Variants in MYRFL observed in about 807,000 individuals in gnomAD.
The protein encoded by MYRFL is myelin regulatory factor-like protein.
In MYRFL, 88 loss-of-function variants were observed where a neutral mutation model predicts 109.4. That is an observed-to-expected ratio of 0.80 (90% CI 0.68 to 0.96). The LOEUF is 0.96. MYRFL is among the 40% of genes least tolerant of loss of function. The pLI, the probability that MYRFL is intolerant of heterozygous loss-of-function variation, is 0.00. For missense variants in MYRFL, 957 were observed against 954.9 expected, an observed-to-expected ratio of 1.00 and a Z score of -0.03; for synonymous variants, 324 against 320.9, an observed-to-expected ratio of 1.01 and a Z score of -0.10.
rs556164909 is a variant in MYRFL, at chr12:69,867,778, G to A, written c.138-11250G>A. ...GTTTCAAAAGGGCGTGAGAGAGTAC[G>A]TGGAGTTCTGTGAGAAGAGCTTGTT... On this transcript the variant is annotated intron_variant, in intron 2 of 24. Transcript: ENST00000552032. Among the ~76,000 whole-genome samples, 13 of 152,272 alleles carry A rather than the reference G, an allele frequency of 8.5e-5. No homozygotes were observed. In the South Asian group the frequency reaches 1.9e-3, roughly 22 times the overall value.
At chr12:69,952,993 T>G (rs1365620289) in intron 21 of MYRFL, 107 bp downstream of exon 21, 3 of 658,884 alleles carry the variant, frequency 4.6e-6, no homozygotes, top group Non-Finnish European at 7.6e-6. Flanking sequence ...AATCAATGTG[T>G]GCTTACATTG....
rs1195492393 is a variant in MYRFL at position 69,932,610 on chromosome 12, T to C, written c.1916+12T>C. ...GTGATGGCATTTTGGTAAGAAAAAG[T>C]TCACTGTTATGCCATGTCAAGCTCT... On this transcript the variant is annotated intron_variant, in intron 16 of 24. Transcript: ENST00000552032. The C allele has an allele frequency of 6.6e-7, 1 of 1,523,066 alleles. No homozygotes were observed. Among genetic ancestry groups the C allele is most frequent in the Non-Finnish European group, 8.8e-7 (1 of 1,135,068 alleles). 94.3% of individuals were successfully genotyped at this position (1,523,066 alleles called of 1,614,324 possible).
At chr12:69,852,557 G>A (rs1215315036) in intron 1 of MYRFL, among the ~76,000 whole-genome samples, 3 of 144,558 alleles carry the variant, frequency 2.1e-5, no homozygotes, top group South Asian at 2.2e-4. Flanking sequence ...CTTGCAGGCA[G>A]GCTGTTTATT....
At chr12:69,860,135 TTG>T (rs1451852300) in intron 2 of MYRFL, among the ~76,000 whole-genome samples, 1 of 152,088 alleles carries the variant, frequency 6.6e-6, no homozygotes, top group Non-Finnish European at 1.5e-5. Context: ...CCAGTGTATG[TTG>T]TTCCCCCTTG....
chr12:69,833,368 T>C (rs1416802582), intron 1 of MYRFL, among the ~76,000 whole-genome samples: 1 of 152,172 alleles, frequency 6.6e-6, no homozygotes, highest in Non-Finnish European at 1.5e-5. Flanking sequence ...CAATTGCCTA[T>C]AGAATCTGGG....
intron 13 of MYRFL, among the ~76,000 whole-genome samples, chr12:69,923,875 A>AT (rs1279371707): frequency 2.0e-5 from 3 of 151,932 alleles, no homozygotes; most frequent in African/African-American, 2.4e-5. Flanking sequence ...AATTTTGTTT[A>AT]TTTTTTATAC....
At chr12:69,934,157 A>T (rs950986593) in intron 16 of MYRFL, among the ~76,000 whole-genome samples, 13 of 152,226 alleles carry the variant, frequency 8.5e-5, no homozygotes, top group African/African-American at 3.1e-4. Flanking sequence ...AGACTGTGAC[A>T]CAGGACTTTT....
chr12:69,890,934 A>T (rs935744183), intron 6 of MYRFL, 37 bp from the exon 7 acceptor site: 1 of 1,388,522 alleles, frequency 7.2e-7, no homozygotes, highest in Admixed American at 3.0e-5. Context: ...ATATGGAAAC[A>T]TTTGTAAAAC....
chr12:69,846,378 C>G (rs1883548581), intron 1 of MYRFL, among the ~76,000 whole-genome samples: 1 of 148,594 alleles, frequency 6.7e-6, no homozygotes, highest in South Asian at 2.2e-4. Flanking sequence ...TGTGATGTTC[C>G]CCTTCCTGTG....
At chr12:69,890,890 G>A in intron 6 of MYRFL, 81 bp from the exon 7 acceptor site, 11 of 1,084,440 alleles carry the variant, frequency 1.0e-5, no homozygotes, top group Non-Finnish European at 1.3e-5. Context: ...TTCTTGAAAT[G>A]TTTATACAAC....
chr12:69,901,047 A>T (rs960172268), intron 10 of MYRFL, among the ~76,000 whole-genome samples: 4 of 152,214 alleles, frequency 2.6e-5, no homozygotes, highest in Non-Finnish European at 4.4e-5. Context: ...AGGAGACATG[A>T]TTCTTTATTC....
intron 19 of MYRFL, among the ~76,000 whole-genome samples, chr12:69,949,188 T>C (rs1387133237): frequency 1.4e-4 from 22 of 151,822 alleles, no homozygotes; most frequent in Admixed American, 1.4e-3. Context: ...AAGTATTGTG[T>C]ACTGTTGCTT....
intron 1 of MYRFL, among the ~76,000 whole-genome samples, chr12:69,834,280 G>C (rs1173552257): frequency 2.6e-5 from 4 of 152,168 alleles, no homozygotes; most frequent in Non-Finnish European, 5.9e-5. Flanking sequence ...GAAGTAATGT[G>C]TTCTGAAGAG....
chr12:69,919,110 G>A (rs1152972), intron 13 of MYRFL, among the ~76,000 whole-genome samples: 74,363 of 151,996 alleles, frequency 0.49, 19,800 homozygotes, highest in East Asian at 0.87. Context: ...CATATCATAG[G>A]TGCTTAATAA....
At chr12:69,945,292 C>A (rs1955799065) in intron 19 of MYRFL, among the ~76,000 whole-genome samples, 1 of 149,806 alleles carries the variant, frequency 6.7e-6, no homozygotes, top group Admixed American at 6.7e-5. Flanking sequence ...CTGATTGACT[C>A]AGAGCAACTT....
intron 20 of MYRFL, 133 bp from the exon 21 acceptor site, chr12:69,952,666 G>T: frequency 3.2e-6 from 2 of 619,324 alleles, no homozygotes; most frequent in East Asian, 3.1e-5. Flanking sequence ...TTTTCCATTT[G>T]AATACAAATG....
At chr12:69,912,310 C>T (rs138160020) in intron 13 of MYRFL, among the ~76,000 whole-genome samples, 2 of 152,260 alleles carry the variant, frequency 1.3e-5, no homozygotes, top group Non-Finnish European at 2.9e-5. Context: ...TGGTAAAATA[C>T]ACAAAACATA....
At chr12:69,855,999 G>C (rs1302820239) in intron 2 of MYRFL, among the ~76,000 whole-genome samples, 2 of 151,514 alleles carry the variant, frequency 1.3e-5, no homozygotes, top group African/African-American at 4.9e-5. Flanking sequence ...TCTGAGTTTT[G>C]ACAAGTTCAT....
chr12:69,913,394 G>C (rs895516036), intron 13 of MYRFL, among the ~76,000 whole-genome samples: 1 of 152,152 alleles, frequency 6.6e-6, no homozygotes, highest in African/African-American at 2.4e-5. Flanking sequence ...ATATTGTAAA[G>C]ATTGTGCCCT....
Sources: gnomAD v4.1 joint callset for allele counts (sites outside exome capture counted in the v4.1 genomes callset) on GRCh38, gnomAD v4.1.1 for gene constraint, MANE v1.5 for transcripts, NCBI Gene and HGNC (gene_info 2026-07-23, HGNC 2026-07-21) for gene names.